The following GLRA2 variants were observed in gnomAD, a reference collection of about 807,000 sequenced individuals.
GLRA2 encodes the protein glycine receptor subunit alpha-2.
GLRA2 carries 11 observed loss-of-function variants against 31.6 expected under a neutral mutation model. That is an observed-to-expected ratio of 0.35 (90% CI 0.22 to 0.58). The LOEUF is 0.58. Among genes scored for constraint, GLRA2 ranks in the 20% least tolerant of loss-of-function variants. The pLI, the probability that GLRA2 is intolerant of heterozygous loss-of-function variation, is 0.84. For synonymous variants in GLRA2, 132 were observed against 134.0 expected (o/e 0.99, Z 0.10); for missense variants, 212 against 351.8 (o/e 0.60, Z 3.18).
chrX:14,530,228 T>C (rs1379133058), intron 1 of GLRA2, 103 bp downstream of exon 1: 1 of 530,195 alleles, frequency 1.9e-6, no homozygotes, highest in African/African-American at 2.4e-5. Context: ...ATTTTAATTT[T>C]ATAGAGGAAA....
At chrX:14,624,757 T>G (rs1569512125) in intron 7 of GLRA2, among the ~76,000 whole-genome samples, 3 of 111,442 alleles carry the variant, frequency 2.7e-5, no homozygotes, top group African/African-American at 9.8e-5. Context: ...TGCTGAGGAG[T>G]GCTTACTTCC....
intron 2 of GLRA2, among the ~76,000 whole-genome samples, 161 bp downstream of exon 2, chrX:14,532,533 C>T (rs1440799355): frequency 8.9e-6 from 1 of 111,966 alleles, no homozygotes; most frequent in East Asian, 2.8e-4. Flanking sequence ...CTGATATTTT[C>T]ATTTTACCTG....
intron 4 of GLRA2, among the ~76,000 whole-genome samples, chrX:14,590,973 G>T (rs1187324650): frequency 9.0e-6 from 1 of 111,424 alleles, no homozygotes; most frequent in Non-Finnish European, 1.9e-5. Flanking sequence ...GGTGTGGAGG[G>T]GCTGTTTTTG....
At chrX:14,635,335 G>A (rs1336279665) in intron 7 of GLRA2, among the ~76,000 whole-genome samples, 1 of 112,105 alleles carries the variant, frequency 8.9e-6, no homozygotes, top group African/African-American at 3.2e-5. Flanking sequence ...TGCAATGAGA[G>A]TAAATAACTG....
intron 4 of GLRA2, among the ~76,000 whole-genome samples, chrX:14,589,815 T>A (rs941544704): frequency 9.2e-6 from 1 of 108,918 alleles, no homozygotes; most frequent in African/African-American, 3.3e-5. Context: ...ATTTAAGCTA[T>A]TTTTTGTTTG....
At chrX:14,628,891 G>A (rs1478183233) in intron 7 of GLRA2, among the ~76,000 whole-genome samples, 1 of 111,382 alleles carries the variant, frequency 9.0e-6, no homozygotes, top group Admixed American at 9.5e-5. Context: ...GTTTAAAAGG[G>A]CTGCACTGAT....
the GLRA2 span, among the ~76,000 whole-genome samples, chrX:14,492,914 C>T: frequency 9.0e-6 from 1 of 111,409 alleles, no homozygotes; most frequent in Non-Finnish European, 1.9e-5. Flanking sequence ...CAAAATGTGC[C>T]TTGTTGCTGT....
intron 2 of GLRA2, among the ~76,000 whole-genome samples, chrX:14,538,220 T>A (rs2089352358): frequency 9.0e-6 from 1 of 110,819 alleles, no homozygotes; most frequent in Non-Finnish European, 1.9e-5. Flanking sequence ...GTTCAGCCAT[T>A]TTTGAGAAAA....
the GLRA2 span, among the ~76,000 whole-genome samples, chrX:14,496,295 C>A: frequency 1.8e-5 from 2 of 111,582 alleles, no homozygotes; most frequent in Admixed American, 9.5e-5. Flanking sequence ...ATCTTGAGTT[C>A]TTCTAGAATT....
intron 2 of GLRA2, among the ~76,000 whole-genome samples, chrX:14,549,882 G>C (rs2089533347): frequency 9.0e-6 from 1 of 111,717 alleles, no homozygotes; most frequent in Admixed American, 9.6e-5. Context: ...GAAAGAATAA[G>C]AGGAAGAGAA....
At chrX:14,548,046 T>C (rs1185556335) in intron 2 of GLRA2, among the ~76,000 whole-genome samples, 1 of 112,304 alleles carries the variant, frequency 8.9e-6, no homozygotes, top group African/African-American at 3.2e-5. Context: ...ACTAAGTTAT[T>C]ATTATCTGCT....
intron 2 of GLRA2, among the ~76,000 whole-genome samples, chrX:14,565,542 G>A (rs991895362): frequency 9.0e-6 from 1 of 110,799 alleles, no homozygotes; most frequent in Non-Finnish European, 1.9e-5. Context: ...TATGTGTTTA[G>A]AATTATTATA....
intron 8 of GLRA2, among the ~76,000 whole-genome samples, chrX:14,697,210 T>A (rs1272517907): frequency 8.9e-6 from 1 of 112,350 alleles, no homozygotes; most frequent in Non-Finnish European, 1.9e-5. Flanking sequence ...GTGTGAGTAA[T>A]GCAATCATAC....
At chrX:14,501,537 T>C in the GLRA2 span, among the ~76,000 whole-genome samples, 2 of 111,637 alleles carry the variant, frequency 1.8e-5, no homozygotes, top group Admixed American at 9.5e-5. Flanking sequence ...TGGCCACATT[T>C]ATGCTCCACT....
At chrX:14,494,102 T>C in the GLRA2 span, among the ~76,000 whole-genome samples, 43 of 111,261 alleles carry the variant, frequency 3.9e-4, no homozygotes, top group African/African-American at 1.3e-3. Flanking sequence ...TAATTTAACT[T>C]ATATGAAGTT....
intron 2 of GLRA2, among the ~76,000 whole-genome samples, chrX:14,558,457 A>G (rs1265572302): frequency 1.8e-5 from 2 of 111,993 alleles, no homozygotes; most frequent in African/African-American, 6.5e-5. Context: ...CATACTTCAA[A>G]TATATCTTTA....
At chrX:14,474,519 A>T in the GLRA2 span, among the ~76,000 whole-genome samples, 1 of 111,214 alleles carries the variant, frequency 9.0e-6, no homozygotes, top group South Asian at 3.9e-4. Flanking sequence ...ATTTTTATAG[A>T]TTGGAAATCT....
At chrX:14,693,446 G>A (rs762534888) in intron 8 of GLRA2, among the ~76,000 whole-genome samples, 20 of 111,232 alleles carry the variant, frequency 1.8e-4, no homozygotes, top group Non-Finnish European at 3.8e-4. Context: ...TGTCTACAAC[G>A]AATAACATGG....
chrX:14,697,346 G>C (rs1046175586), intron 8 of GLRA2, among the ~76,000 whole-genome samples: 1 of 111,953 alleles, frequency 8.9e-6, no homozygotes, highest in African/African-American at 3.3e-5. Flanking sequence ...ATTAAAATAA[G>C]TGGAAACGGG....
Sources: allele counts gnomAD v4.1 joint callset (sites outside exome capture counted in the v4.1 genomes callset), GRCh38; gene constraint gnomAD v4.1.1; transcripts MANE v1.5; gene names NCBI Gene and HGNC (gene_info 2026-07-23, HGNC 2026-07-21).